Variants in PEX14 observed in about 807,000 individuals in gnomAD.
PEX14 encodes peroxisomal biogenesis factor 14.
PEX14 carries 15 observed loss-of-function variants against 49.5 expected under a neutral mutation model. The ratio of observed to expected loss-of-function variants is 0.30; its 90% CI spans 0.20 to 0.47. The LOEUF (loss-of-function observed/expected upper bound fraction) is 0.47. Among genes scored for constraint, PEX14 ranks in the 20% least tolerant of loss-of-function variants. PEX14 has a pLI of 1.00. For missense variants in PEX14, 398 were observed against 494.8 expected, an observed-to-expected ratio of 0.80 and a Z score of 1.86; for synonymous variants, 210 against 212.7, an observed-to-expected ratio of 0.99 and a Z score of 0.11.
chr1:10,566,211 C>A (rs1639800038), intron 3 of PEX14, among the ~76,000 whole-genome samples: 1 of 152,162 alleles, frequency 6.6e-6, no homozygotes, highest in African/African-American at 2.4e-5. Flanking sequence ...ATGCAGAAAG[C>A]CTCTCAGTGC....
intron 4 of PEX14, among the ~76,000 whole-genome samples, chr1:10,603,341 G>A (rs1434734403): frequency 1.3e-5 from 2 of 152,184 alleles, no homozygotes; most frequent in Admixed American, 1.3e-4. Flanking sequence ...AATATAAGAT[G>A]TTGTGATTTA....
At chr1:10,530,557 C>T (rs1638618651) in intron 2 of PEX14, among the ~76,000 whole-genome samples, 1 of 152,200 alleles carries the variant, frequency 6.6e-6, no homozygotes, top group African/African-American at 2.4e-5. Flanking sequence ...CAGGCCCCTC[C>T]CCCCTACTCC....
At chr1:10,518,580 A>G (rs1642011901) in intron 2 of PEX14, among the ~76,000 whole-genome samples, 1 of 152,238 alleles carries the variant, frequency 6.6e-6, no homozygotes, top group Admixed American at 6.5e-5. Context: ...AATAGAACAC[A>G]AGTGTCCAAG....
At chr1:10,546,748 A>G (rs1418217048) in intron 3 of PEX14, among the ~76,000 whole-genome samples, 1 of 149,402 alleles carries the variant, frequency 6.7e-6, no homozygotes, top group Non-Finnish European at 1.5e-5. Flanking sequence ...GGGCACCTAT[A>G]GTCCCCGCTG....
chr1:10,592,509 T>TCA (rs1640698252), intron 3 of PEX14, among the ~76,000 whole-genome samples: 1 of 152,198 alleles, frequency 6.6e-6, no homozygotes, highest in South Asian at 2.1e-4. Flanking sequence ...AGATCTCAAT[T>TCA]TGTGTTACAT....
chr1:10,583,370 C>T lies in PEX14; in HGVS notation c.170-15868C>T, dbSNP rs1640383409. On this transcript the variant is annotated intron_variant, in intron 3 of 8. Coordinates refer to ENST00000356607, the MANE Select transcript of PEX14 (RefSeq NM_004565.3). Reference sequence around the variant, plus strand: ...TAGTAGCTGAGACTACAAATATACACCATTGCACCCAGCTTTTTTTTTTTT... The same window carrying T: ...TAGTAGCTGAGACTACAAATATACATCATTGCACCCAGCTTTTTTTTTTTT... 1.3e-5 allele frequency among the ~76,000 whole-genome samples: 2 copies of T among 150,044 alleles called. 1 individual carries two copies. The highest frequency in any genetic ancestry group is 4.3e-4 in the South Asian group (2 of 4,664).
intron 1 of PEX14, among the ~76,000 whole-genome samples, chr1:10,475,704 C>T (rs1641183687): frequency 6.6e-6 from 1 of 152,162 alleles, no homozygotes; most frequent in African/African-American, 2.4e-5. Flanking sequence ...AGCGTTGACG[C>T]CTGTGCCTCT....
chr1:10,624,468 G>A, intron 7 of PEX14, 31 bp downstream of exon 7: 1 of 1,436,730 alleles, frequency 7.0e-7, no homozygotes. Context: ...GGGCCCTCCA[G>A]GCCCAGGTCT....
intron 2 of PEX14, among the ~76,000 whole-genome samples, chr1:10,503,882 C>T (rs1378377320): frequency 6.6e-5 from 10 of 151,966 alleles, no homozygotes; most frequent in African/African-American, 9.7e-5. Flanking sequence ...TACAGGCGCC[C>T]ACCACCATGC....
intron 3 of PEX14, among the ~76,000 whole-genome samples, chr1:10,546,658 A>T (rs1639183269): frequency 6.7e-6 from 1 of 149,204 alleles, no homozygotes. Context: ...CAAGGTCAGG[A>T]GATTGAGACC....
rs201978719 is a variant in PEX14 at position 10,629,849 on chromosome 1, T to C, written c.996T>C (p.Asp332=). The C allele has an allele frequency of 1.4e-5, 22 of 1,607,550 alleles. No individual in the cohort carries two copies. In the African/African-American group the frequency reaches 2.7e-4, roughly 20 times the overall value. The change falls in exon 9 of 9, where the codon GAT becomes GAC. Residue 332 remains aspartate (D), a synonymous_variant. Coordinates refer to ENST00000356607, the MANE Select transcript of PEX14 (RefSeq NM_004565.3). The surrounding 1 kb of genome is among the most constrained non-coding windows in gnomAD (Gnocchi z 8.5). The part of the protein sequence containing the change: ...DKEDEEDEED[D]DVSHVDEEDC... ...AGGACGAGGAGGATGAGGAGGATGATGATGTGAGCCATGTGGACGAGGAGG... is the reference window on the plus strand; with the variant it reads ...AGGACGAGGAGGATGAGGAGGATGACGATGTGAGCCATGTGGACGAGGAGG...
intron 5 of PEX14, among the ~76,000 whole-genome samples, chr1:10,622,761 G>A (rs1641631068): frequency 6.6e-6 from 1 of 152,188 alleles, no homozygotes. Context: ...GAACCAAAAA[G>A]TTCCCATCAC....
At chr1:10,624,694 A>G (rs936106419) in intron 7 of PEX14, among the ~76,000 whole-genome samples, 1 of 152,164 alleles carries the variant, frequency 6.6e-6, no homozygotes, top group African/African-American at 2.4e-5. Context: ...GAGGAAGGAA[A>G]AGCTACCCTC....
intron 2 of PEX14, among the ~76,000 whole-genome samples, chr1:10,534,485 C>A (rs1295174571): frequency 6.6e-6 from 1 of 151,850 alleles, no homozygotes; most frequent in Non-Finnish European, 1.5e-5. Flanking sequence ...TCTCTTTTTT[C>A]CTTCTTCCCT....
At chr1:10,521,112 T>C (rs1427255815) in intron 2 of PEX14, among the ~76,000 whole-genome samples, 1 of 152,072 alleles carries the variant, frequency 6.6e-6, no homozygotes, top group Non-Finnish European at 1.5e-5. Flanking sequence ...TTCCTGTTTT[T>C]GTTTTTCTTC....
chr1:10,515,234 CTT>C (rs796953319), intron 2 of PEX14, among the ~76,000 whole-genome samples: 1 of 146,686 alleles, frequency 6.8e-6, no homozygotes, highest in African/African-American at 2.5e-5. Flanking sequence ...AAAACTCTGA[CTT>C]TTTTTTTTTT....
In PEX14 at chr1:10,542,762, A is replaced by G. The variant is rs530200200; in HGVS notation, c.169+6465A>G. 5.9e-5 allele frequency among the ~76,000 whole-genome samples: 9 copies of G among 152,310 alleles called. No individual in the cohort carries two copies. In the East Asian group the frequency reaches 1.4e-3, roughly 23 times the overall value. On this transcript the variant is annotated intron_variant, in intron 3 of 8. Transcript: ENST00000356607. Reference sequence around the variant, plus strand: ...GGTGACAGAGCAAGACTCCATCTCAAAAATAGAAACAAAAACAAACAAAAA... The same window carrying G: ...GGTGACAGAGCAAGACTCCATCTCAGAAATAGAAACAAAAACAAACAAAAA...
intron 3 of PEX14, among the ~76,000 whole-genome samples, chr1:10,567,595 A>AG: frequency 6.6e-6 from 1 of 152,190 alleles, no homozygotes; most frequent in East Asian, 1.9e-4. Context: ...AGGAGACTGA[A>AG]GTGGTTCTCC....
In PEX14 at chr1:10,514,421, A is replaced by G. The variant is rs1213161750; in HGVS notation, c.84+19100A>G. Among the ~76,000 whole-genome samples the G allele has an allele frequency of 1.3e-5, 2 of 152,200 alleles. No homozygotes were observed. The highest frequency in any genetic ancestry group is 4.8e-5 in the African/African-American group (2 of 41,454). ...TGTGTTGTTTGTGCACGTGTGTAAC[A>G]ATATACAGTGTTTGTTCAATGTCCT... On this transcript the variant is annotated intron_variant, in intron 2 of 8. Coordinates refer to ENST00000356607, the MANE Select transcript of PEX14 (RefSeq NM_004565.3). This position sits in a 1 kb window ranked among gnomAD's most constrained non-coding sequence, Gnocchi z 4.4.
Sources: allele counts gnomAD v4.1 joint callset (sites outside exome capture counted in the v4.1 genomes callset), GRCh38; gene constraint gnomAD v4.1.1; non-coding constraint Gnocchi (gnomAD v3.1); transcripts MANE v1.5; gene names NCBI Gene and HGNC (gene_info 2026-07-23, HGNC 2026-07-21).